SLC24A2: variants seen among roughly 807,000 people sequenced by gnomAD.
The protein encoded by SLC24A2 is solute carrier family 24 member 2, also known as sodium/potassium/calcium exchanger 2.
SLC24A2 carries 36 observed loss-of-function variants against 62.0 expected under a neutral mutation model. The ratio of observed to expected loss-of-function variants is 0.58; its 90% CI spans 0.44 to 0.77. The LOEUF (loss-of-function observed/expected upper bound fraction) is 0.77. Among genes scored for constraint, SLC24A2 ranks in the 30% least tolerant of loss-of-function variants. SLC24A2 has a pLI of 0.00. For synonymous variants in SLC24A2, 358 were observed against 294.0 expected (o/e 1.22, Z -2.23); for missense variants, 846 against 817.9 (o/e 1.03, Z -0.42).
At chr9:19,634,174 T>C (rs952362730) in intron 2 of SLC24A2, among the ~76,000 whole-genome samples, 2 of 152,020 alleles carry the variant, frequency 1.3e-5, no homozygotes, top group Admixed American at 6.6e-5. Flanking sequence ...ATTTTAAAGA[T>C]TGGGGTAAAA....
the SLC24A2 span, among the ~76,000 whole-genome samples, chr9:20,083,465 C>G: frequency 6.6e-6 from 1 of 152,172 alleles, no homozygotes; most frequent in Non-Finnish European, 1.5e-5. Context: ...GGCTGGGGGT[C>G]AAAGTTGGAA....
intron 8 of SLC24A2, among the ~76,000 whole-genome samples, chr9:19,542,192 G>C (rs889817973): frequency 6.6e-6 from 1 of 152,174 alleles, no homozygotes; most frequent in Non-Finnish European, 1.5e-5. Context: ...GGGAGCTGTA[G>C]ACCGGAGCTG....
At chr9:19,714,486 G>C (rs1363837901) in intron 2 of SLC24A2, among the ~76,000 whole-genome samples, 1 of 152,140 alleles carries the variant, frequency 6.6e-6, no homozygotes, top group Admixed American at 6.5e-5. Flanking sequence ...TCTGTTTCTA[G>C]AGTCTCGTCA....
chr9:20,186,416 C>A, the SLC24A2 span, among the ~76,000 whole-genome samples: 1 of 152,134 alleles, frequency 6.6e-6, no homozygotes, highest in Admixed American at 6.5e-5. Context: ...CTGGTACGGA[C>A]TCTCTCTTCA....
At chr9:19,808,967 C>T in the SLC24A2 span, among the ~76,000 whole-genome samples, 2 of 152,154 alleles carry the variant, frequency 1.3e-5, no homozygotes, top group Non-Finnish European at 2.9e-5. The surrounding 1 kb of genome is among the most constrained non-coding windows in gnomAD (Gnocchi z 4.1). Flanking sequence ...ATGCCTAGAT[C>T]ATAATAAAGA....
chr9:19,652,717 G>C (rs556729842), intron 2 of SLC24A2, among the ~76,000 whole-genome samples: 1 of 152,210 alleles, frequency 6.6e-6, no homozygotes, highest in Admixed American at 6.5e-5. Flanking sequence ...ATTTATACTG[G>C]TAATAATAGG....
At chr9:20,037,188 G>A in the SLC24A2 span, among the ~76,000 whole-genome samples, 1 of 152,262 alleles carries the variant, frequency 6.6e-6, no homozygotes. Flanking sequence ...GTGAGCCGCT[G>A]CACCTGGCCT....
At chr9:19,758,958 T>C (rs895766038) in intron 2 of SLC24A2, among the ~76,000 whole-genome samples, 2 of 152,152 alleles carry the variant, frequency 1.3e-5, no homozygotes. Context: ...GTTTCTGGGA[T>C]AGACTGCAAA....
the SLC24A2 span, among the ~76,000 whole-genome samples, chr9:20,018,081 G>C: frequency 6.6e-6 from 1 of 152,094 alleles, no homozygotes; most frequent in Non-Finnish European, 1.5e-5. Flanking sequence ...CAAGTAGCTG[G>C]GACTACAGGC....
At chr9:20,238,128 G>C in the SLC24A2 span, among the ~76,000 whole-genome samples, 1 of 152,166 alleles carries the variant, frequency 6.6e-6, no homozygotes, top group African/African-American at 2.4e-5. Context: ...GCCCAGGTCT[G>C]TTCCTGCCTA....
the SLC24A2 span, among the ~76,000 whole-genome samples, chr9:20,172,237 C>T: frequency 2.6e-5 from 4 of 151,932 alleles, no homozygotes; most frequent in East Asian, 3.9e-4. Flanking sequence ...GCCCTAAATG[C>T]CTACATCAAA....
At chr9:20,053,168 C>T in the SLC24A2 span, among the ~76,000 whole-genome samples, 1 of 152,094 alleles carries the variant, frequency 6.6e-6, no homozygotes, top group African/African-American at 2.4e-5. Flanking sequence ...CTTCACTTTC[C>T]TCTGCTTGCT....
chr9:19,789,766 G>A (rs1823284111), upstream of SLC24A2, among the ~76,000 whole-genome samples: 4 of 152,176 alleles, frequency 2.6e-5, no homozygotes, highest in South Asian at 6.2e-4. Context: ...CAAATTGGTA[G>A]TGAGGGAACC....
the SLC24A2 span, among the ~76,000 whole-genome samples, chr9:19,828,397 C>A: frequency 6.6e-6 from 1 of 151,780 alleles, no homozygotes; most frequent in Non-Finnish European, 1.5e-5. Flanking sequence ...CACATGCACC[C>A]CATAAATAAT....
At chr9:19,530,871 C>T (rs900045953) in intron 8 of SLC24A2, among the ~76,000 whole-genome samples, 1 of 152,138 alleles carries the variant, frequency 6.6e-6, no homozygotes, top group Non-Finnish European at 1.5e-5. Context: ...AGATCCTGAA[C>T]TAGAGATAAA....
intron 2 of SLC24A2, among the ~76,000 whole-genome samples, chr9:19,687,134 G>A (rs942367210): frequency 6.6e-6 from 1 of 151,986 alleles, no homozygotes; most frequent in African/African-American, 2.4e-5. Flanking sequence ...ACTTAAGGGT[G>A]GAGAATGAGA....
chr9:20,257,864 C>A, the SLC24A2 span, among the ~76,000 whole-genome samples: 3 of 152,292 alleles, frequency 2.0e-5, no homozygotes, highest in African/African-American at 7.2e-5. Flanking sequence ...CTTGACATCA[C>A]CATACAGAAA....
the SLC24A2 span, among the ~76,000 whole-genome samples, chr9:20,212,646 A>G: frequency 4.0e-5 from 6 of 151,776 alleles, no homozygotes; most frequent in Admixed American, 3.9e-4. Flanking sequence ...AGGGATAAAT[A>G]AGGAAATAAG....
the SLC24A2 span, among the ~76,000 whole-genome samples, chr9:19,835,051 G>C: frequency 6.6e-6 from 1 of 152,100 alleles, no homozygotes; most frequent in African/African-American, 2.4e-5. Flanking sequence ...CACCAGGCCT[G>C]CCCTAAAAGA....
Sources: allele counts gnomAD v4.1 joint callset (sites outside exome capture counted in the v4.1 genomes callset), GRCh38; gene constraint gnomAD v4.1.1; non-coding constraint Gnocchi (gnomAD v3.1); transcripts MANE v1.5; gene names NCBI Gene and HGNC (gene_info 2026-07-23, HGNC 2026-07-21).